LTBP2: variants seen among roughly 807,000 people sequenced by gnomAD.
The protein encoded by LTBP2 is latent-transforming growth factor beta-binding protein 2.
LTBP2 carries 103 observed loss-of-function variants against 210.6 expected under a neutral mutation model. That is an observed-to-expected ratio of 0.49 (90% CI 0.42 to 0.58). The LOEUF (loss-of-function observed/expected upper bound fraction) is 0.58. Among genes scored for constraint, LTBP2 ranks in the 20% least tolerant of loss-of-function variants. The probability of loss-of-function intolerance (pLI) is 0.00; values close to 1 mark genes in which losing one functional copy is unlikely to be tolerated. For synonymous variants in LTBP2, 1,007 were observed against 1,015.0 expected, an observed-to-expected ratio of 0.99 and a Z score of 0.15; for missense variants, 2,313 against 2,494.5, an observed-to-expected ratio of 0.93 and a Z score of 1.55.
At chr14:74,532,330 T>G in intron 10 of LTBP2, 96 bp downstream of exon 10, 1 of 1,558,038 alleles carries the variant, frequency 6.4e-7, no homozygotes, top group Non-Finnish European at 8.8e-7. Context: ...TGATCAGGTC[T>G]GGGGAAAATT....
At chr14:74,611,222 G>C (rs978473838) in intron 1 of LTBP2, among the ~76,000 whole-genome samples, 1 of 152,242 alleles carries the variant, frequency 6.6e-6, no homozygotes, top group Non-Finnish European at 1.5e-5. Flanking sequence ...GGGGCTCCGG[G>C]AGAGTTGGTA....
At chr14:74,514,948 A>T (rs948496344) in intron 18 of LTBP2, among the ~76,000 whole-genome samples, 2 of 151,700 alleles carry the variant, frequency 1.3e-5, no homozygotes, top group Non-Finnish European at 2.9e-5. Context: ...ACTCTGCCTG[A>T]CCTCCCAGAT....
At chr14:74,564,893 C>T (rs1426151824) in intron 3 of LTBP2, among the ~76,000 whole-genome samples, 3 of 152,136 alleles carry the variant, frequency 2.0e-5, no homozygotes, top group Non-Finnish European at 4.4e-5. Flanking sequence ...GGTTACCAAA[C>T]CAGGTAACTT....
chr14:74,547,851 G>A (rs2139741959), intron 8 of LTBP2, among the ~76,000 whole-genome samples: 1 of 152,138 alleles, frequency 6.6e-6, no homozygotes, highest in East Asian at 1.9e-4. Flanking sequence ...GCCCAGAGCA[G>A]GGACTTGGGA....
chr14:74,574,531 G>A (rs540536818), intron 3 of LTBP2, among the ~76,000 whole-genome samples: 86 of 152,286 alleles, frequency 5.6e-4, no homozygotes, highest in African/African-American at 2.0e-3. Flanking sequence ...AATAGGGTAG[G>A]AATCTAGCAC....
chr14:74,543,560 T>TCCTTCCTCCCTTCCTCCCTC (rs1566631219), intron 8 of LTBP2, among the ~76,000 whole-genome samples: 2 of 149,238 alleles, frequency 1.3e-5, no homozygotes, highest in East Asian at 3.9e-4. Context: ...CTCCCTTCCT[T>TCCTTCCTCCCTTCCTCCCTC]CCTCCCTTCC....
At chr14:74,564,499 ATTC>A (rs1268282029) in intron 3 of LTBP2, among the ~76,000 whole-genome samples, 1 of 145,014 alleles carries the variant, frequency 6.9e-6, no homozygotes, top group African/African-American at 2.6e-5. Context: ...GGTTCAAGCA[ATTC>A]TTCTGCCTCA....
intron 3 of LTBP2, among the ~76,000 whole-genome samples, chr14:74,582,379 TGCACACACACACATACATAC>T (rs1471684894): frequency 3.0e-5 from 4 of 133,142 alleles, no homozygotes; most frequent in African/African-American, 1.2e-4. Flanking sequence ...TCTGTGTACA[TGCACACACACACATACATAC>T]ACACACACAC....
intron 24 of LTBP2, 151 bp downstream of exon 24, chr14:74,508,453 G>A: frequency 7.0e-7 from 1 of 1,429,282 alleles, no homozygotes. Flanking sequence ...TCCTCCCTGG[G>A]CAGGGCCGTG....
chr14:74,603,146 GAGA>G (rs1232647320), intron 2 of LTBP2, among the ~76,000 whole-genome samples: 1 of 151,348 alleles, frequency 6.6e-6, no homozygotes, highest in African/African-American at 2.4e-5. Context: ...TTTTCTTTTT[GAGA>G]AGGAGTCTCG....
intron 8 of LTBP2, among the ~76,000 whole-genome samples, chr14:74,545,183 G>A (rs1004547838): frequency 2.0e-5 from 3 of 152,194 alleles, no homozygotes; most frequent in African/African-American, 7.2e-5. Context: ...TTGCTCAGCT[G>A]AGAGTCAGAC....
intron 8 of LTBP2, among the ~76,000 whole-genome samples, chr14:74,538,842 T>C (rs1297384578): frequency 6.6e-6 from 1 of 152,242 alleles, no homozygotes; most frequent in Non-Finnish European, 1.5e-5. Flanking sequence ...GCCACTCTTG[T>C]GGAGACACAC....
chr14:74,545,034 T>A (rs935323575), intron 8 of LTBP2, among the ~76,000 whole-genome samples: 1 of 152,190 alleles, frequency 6.6e-6, no homozygotes, highest in Non-Finnish European at 1.5e-5. Flanking sequence ...AACCCAAATC[T>A]TCTTGACGGA....
At chr14:74,527,618 C>T (rs994936190) in intron 12 of LTBP2, among the ~76,000 whole-genome samples, 2 of 152,228 alleles carry the variant, frequency 1.3e-5, no homozygotes, top group African/African-American at 4.8e-5. Flanking sequence ...ACTTGGTAAG[C>T]GGAAGGCCCT....
At chr14:74,589,915 T>G (rs1054962440) in intron 2 of LTBP2, among the ~76,000 whole-genome samples, 5 of 152,158 alleles carry the variant, frequency 3.3e-5, no homozygotes, top group Non-Finnish European at 5.9e-5. Flanking sequence ...CCTCTGAGTG[T>G]GTGGTCCTTG....
At position 74,504,034 on chromosome 14, in the gene LTBP2, A is replaced by G; in HGVS notation, c.4474T>C (p.Phe1492Leu). The G allele has an allele frequency of 6.2e-7, 1 of 1,614,074 alleles. No individual in the cohort carries two copies. The highest frequency in any genetic ancestry group is 8.5e-7 in the Non-Finnish European group (1 of 1,180,010). Residue 1492 changes from phenylalanine to leucine, a missense_variant, in exon 31 of 36, where the codon TTC becomes CTC. Phe to Leu is a conservative substitution (Grantham distance 22, BLOSUM62 0). Transcript: ENST00000261978. ...CCGTTCGGGCAGAGACCAGGCCCGAATATCACACACTCATCCGCATCTGTG... is the reference window on the plus strand; with the variant it reads ...CCGTTCGGGCAGAGACCAGGCCCGAGTATCACACACTCATCCGCATCTGTG... ...MYTDADECVI[F>L]GPGLCPNGRC... is the part of the protein sequence containing the mutation.
At chr14:74,581,446 G>C (rs1207327061) in intron 3 of LTBP2, among the ~76,000 whole-genome samples, 1 of 152,162 alleles carries the variant, frequency 6.6e-6, no homozygotes, top group Non-Finnish European at 1.5e-5. Flanking sequence ...GTGAGTCAGG[G>C]AGACAGACAG....
intron 6 of LTBP2, 105 bp downstream of exon 6, chr14:74,552,082 A>G: frequency 1.9e-6 from 2 of 1,064,182 alleles, no homozygotes; most frequent in East Asian, 2.6e-5. Flanking sequence ...TCATAAAGGA[A>G]GGACTACAGG....
chr14:74,592,990 G>C (rs1218556507), intron 2 of LTBP2, among the ~76,000 whole-genome samples: 1 of 152,152 alleles, frequency 6.6e-6, no homozygotes, highest in African/African-American at 2.4e-5. Flanking sequence ...GCATTAGAGA[G>C]GTGGAAAGTC....
Sources: allele counts gnomAD v4.1 joint callset (sites outside exome capture counted in the v4.1 genomes callset), GRCh38; gene constraint gnomAD v4.1.1; transcripts MANE v1.5; gene names NCBI Gene and HGNC (gene_info 2026-07-23, HGNC 2026-07-21).